POR: variants seen among roughly 807,000 people sequenced by gnomAD.
POR encodes the protein NADPH--cytochrome P450 reductase.
In POR, 56 loss-of-function variants were observed where a neutral mutation model predicts 84.0. That is an observed-to-expected ratio of 0.67 (90% confidence interval 0.54 to 0.83). The LOEUF (loss-of-function observed/expected upper bound fraction) is 0.83, where lower values mean the gene tolerates loss of function less well. Ranked by LOEUF, POR falls within the 40% of genes least tolerant of loss-of-function variation. The pLI, the probability that POR is intolerant of heterozygous loss-of-function variation, is 0.00. For synonymous variants in POR, 414 were observed against 400.5 expected (o/e 1.03, Z -0.40); for missense variants, 938 against 944.3 (o/e 0.99, Z 0.09).
chr7:75,951,517 T>C (rs975742049), intron 1 of POR, among the ~76,000 whole-genome samples: 11 of 152,214 alleles, frequency 7.2e-5, no homozygotes, highest in African/African-American at 2.4e-4. Flanking sequence ...GAATGGCCTG[T>C]TCCCAGCAGG....
At position 75,976,998 on chromosome 7, in the gene POR, G is replaced by A. The variant is rs1341960235; in HGVS notation, c.238-2453G>A. Among the ~76,000 whole-genome samples the A allele has an allele frequency of 6.6e-5, 10 of 152,140 alleles. No individual in the cohort carries two copies. In the East Asian group the frequency reaches 1.9e-3, roughly 29 times the overall value. On this transcript the variant is annotated intron_variant, in intron 3 of 15. Coordinates refer to ENST00000461988, the MANE Select transcript of POR (RefSeq NM_000941.3). ...CCCAAGTAGCTAGAACCATAGGCATGCGCCACCACACCCAGATAAATTTTT... is the reference window on the plus strand; with the variant it reads ...CCCAAGTAGCTAGAACCATAGGCATACGCCACCACACCCAGATAAATTTTT...
chr7:75,930,277 G>A (rs910622671), intron 1 of POR, among the ~76,000 whole-genome samples: 3 of 152,086 alleles, frequency 2.0e-5, no homozygotes, highest in Non-Finnish European at 4.4e-5. Context: ...GCAATTCTGA[G>A]TGCTTTTTCT....
intron 1 of POR, chr7:75,923,010 C>T: frequency 1.5e-6 from 1 of 673,548 alleles, no homozygotes; most frequent in African/African-American, 1.8e-5. Context: ...ATAAACATTC[C>T]TTGGCCTTTG....
intron 1 of POR, among the ~76,000 whole-genome samples, chr7:75,928,216 G>A (rs1432175221): frequency 5.3e-5 from 8 of 152,138 alleles, no homozygotes; most frequent in South Asian, 2.1e-4. Flanking sequence ...TGATCCACCC[G>A]CCTCGGCCTC....
rs782532734 is a variant in POR at position 75,981,138 on chromosome 7, A to G, written c.607A>G (p.Ile203Val). 9.6e-6 allele frequency: 15 copies of G among 1,555,224 alleles called. No homozygotes were observed. The highest frequency in any genetic ancestry group is 1.9e-4 in the Middle Eastern group (1 of 5,308). Residue 203 changes from isoleucine (I) to valine (V), a missense_variant, in exon 6 of 16, where the codon ATC becomes GTC. Coordinates refer to ENST00000461988, the MANE Select transcript of POR (RefSeq NM_000941.3). ...GCTGGAGCAGCTCGGCGCCCAGCGC[A>G]TCTTTGAGCTGGGGTTGGGCGACGA...
At chr7:75,970,362 G>A (rs1554555959) in intron 2 of POR, among the ~76,000 whole-genome samples, 1 of 151,332 alleles carries the variant, frequency 6.6e-6, no homozygotes, top group Non-Finnish European at 1.5e-5. Flanking sequence ...TGAAGCTGCA[G>A]TGAGCTATGA....
chr7:75,963,050 T>C (rs1349344690), intron 2 of POR, among the ~76,000 whole-genome samples: 1 of 152,206 alleles, frequency 6.6e-6, no homozygotes. Context: ...TTTTGGGGCC[T>C]GTTCTTGACA....
chr7:75,928,345 A>T (rs1379154438), intron 1 of POR, among the ~76,000 whole-genome samples: 3 of 152,190 alleles, frequency 2.0e-5, no homozygotes, highest in African/African-American at 7.2e-5. Flanking sequence ...TTGTGCCTCC[A>T]GTTCCCTGTC....
At chr7:75,921,418 C>T (rs577498745) in intron 1 of POR, among the ~76,000 whole-genome samples, 107 of 152,138 alleles carry the variant, frequency 7.0e-4, no homozygotes, top group South Asian at 3.7e-3. Flanking sequence ...CGCGGCACCG[C>T]GCCCAGCTAA....
rs557472876 is a variant in POR, at chr7:75,972,570, C to T, written c.237+109C>T. On this transcript the variant is annotated intron_variant, in intron 3 of 15. Coordinates refer to ENST00000461988, the MANE Select transcript of POR (RefSeq NM_000941.3). ...CACCGCATAGAGGATGTCCCGGTGG[C>T]CAGGAGAGGGAACGCAGCCCGGCTC... 1.5e-5 allele frequency: 16 copies of T among 1,090,248 alleles called. No individual in the cohort carries two copies. The African/African-American group carries it at 2.0e-4, about 14-fold the overall frequency. The allele number at this position is 1,090,248 out of a possible 1,614,324, so 67.5% of individuals were successfully genotyped here.
At chr7:75,921,731 C>A (rs1806881375) in intron 1 of POR, among the ~76,000 whole-genome samples, 1 of 152,048 alleles carries the variant, frequency 6.6e-6, no homozygotes, top group African/African-American at 2.4e-5. Flanking sequence ...GCTTCGGTCA[C>A]CCCTCCTTTC....
chr7:75,966,851 T>G (rs539406853), intron 2 of POR, among the ~76,000 whole-genome samples: 2 of 152,278 alleles, frequency 1.3e-5, no homozygotes, highest in South Asian at 4.1e-4. Flanking sequence ...TGCTCCCAAT[T>G]TAGGCGTGGA....
Position 75,983,871 on chromosome 7 carries a change from CAG to C in POR, c.1066+16_1066+17del, listed in dbSNP as rs1554558573. ...CAACCTGGATGGTGAGTGCCACAGT[CAG>C]GGCGCCCTGCCGGGCTCAGGCAGCC... On this transcript the variant is annotated intron_variant, in intron 10 of 15. Transcript: ENST00000461988. The C allele has an allele frequency of 1.3e-6, 2 of 1,582,010 alleles. No homozygotes were observed. The highest frequency in any genetic ancestry group is 3.5e-5 in the Admixed American group (2 of 56,618).
intron 1 of POR, among the ~76,000 whole-genome samples, chr7:75,927,332 C>A (rs1807178932): frequency 6.6e-6 from 1 of 151,992 alleles, no homozygotes; most frequent in Non-Finnish European, 1.5e-5. Flanking sequence ...ATGGCGAAAC[C>A]CCGTATCTTA....
chr7:75,986,711 C>T lies in POR; in HGVS notation c.*230C>T, dbSNP rs1157511662. 6 of 604,410 alleles carry T rather than the reference C, an allele frequency of 9.9e-6. No homozygotes were observed. The highest frequency in any genetic ancestry group is 1.9e-5 in the African/African-American group (1 of 53,954). The allele number at this position is 604,410 out of a possible 1,614,324, so 37.4% of individuals were successfully genotyped here. A position where few individuals can be genotyped will look rare whatever the true frequency, so the allele number is the denominator to read the frequency against. On this transcript the variant is annotated 3_prime_UTR_variant, in exon 16 of 16. Transcript: ENST00000461988. ...TGCATGGGGGCACCGGGCTCCATGC[C>T]TCTGGAGGCCTCTGGCCCTCGGTGG...
At chr7:75,919,682 G>A (rs1463447725) in intron 1 of POR, among the ~76,000 whole-genome samples, 1 of 151,988 alleles carries the variant, frequency 6.6e-6, no homozygotes, top group Admixed American at 6.6e-5. Context: ...ATGAGCCACC[G>A]CGCCCAGCCC....
At chr7:75,917,822 C>T (rs1158284674) in intron 1 of POR, among the ~76,000 whole-genome samples, 2 of 152,054 alleles carry the variant, frequency 1.3e-5, no homozygotes, top group Non-Finnish European at 2.9e-5. Flanking sequence ...ATTCTGTGCT[C>T]ATTAGCACAC....
At chr7:75,920,402 G>A (rs764485252) in intron 1 of POR, among the ~76,000 whole-genome samples, 2 of 152,114 alleles carry the variant, frequency 1.3e-5, no homozygotes, top group Non-Finnish European at 2.9e-5. Flanking sequence ...GAGACATTTG[G>A]TAGGAGAATA....
intron 1 of POR, chr7:75,918,843 CCCAGGCACA>C (rs1347405730): frequency 2.0e-5 from 3 of 152,080 alleles, no homozygotes; most frequent in African/African-American, 7.2e-5. Context: ...TCTGAGCCCA[CCCAGGCACA>C]CCAGCTCTGG....
Sources: allele counts gnomAD v4.1 joint callset (sites outside exome capture counted in the v4.1 genomes callset), GRCh38; gene constraint gnomAD v4.1.1; transcripts MANE v1.5; gene names NCBI Gene and HGNC (gene_info 2026-07-23, HGNC 2026-07-21).